The following BRD8 variants were observed in gnomAD, a reference collection of about 807,000 sequenced individuals.
The protein encoded by BRD8 is bromodomain containing 8.
In BRD8, 67 loss-of-function variants were observed where a neutral mutation model predicts 143.1. The ratio of observed to expected loss-of-function variants is 0.47; its 90% confidence interval spans 0.38 to 0.57. The LOEUF is 0.57. Among genes scored for constraint, BRD8 ranks in the 20% least tolerant of loss-of-function variants. BRD8 has a pLI of 0.00. For synonymous variants in BRD8, 505 were observed against 517.1 expected (o/e 0.98, Z 0.32); for missense variants, 1,103 against 1,503.0 (o/e 0.73, Z 4.40).
At chr5:138,172,716 G>C (rs370810752) in intron 2 of BRD8, 3 of 399,154 alleles carry the variant, frequency 7.5e-6, no homozygotes, top group Non-Finnish European at 1.4e-5. Flanking sequence ...ATGGTGGTGC[G>C]TACCTGCGGC....
intron 26 of BRD8, 55 bp from the exon 27 acceptor site, chr5:138,140,221 T>C: frequency 3.0e-6 from 4 of 1,321,844 alleles, no homozygotes; most frequent in Non-Finnish European, 4.3e-6. Context: ...CACTAAAGTA[T>C]TGCAAGTTTA....
At position 138,158,926 on chromosome 5, in the gene BRD8, G is replaced by A. The variant is rs575994191; in HGVS notation, c.2577+629C>T. Among the ~76,000 whole-genome samples, 44 of 151,944 alleles carry A rather than the reference G, an allele frequency of 2.9e-4. No homozygotes were observed. In the South Asian group the frequency reaches 8.7e-3, roughly 30 times the overall value. On this transcript the variant is annotated intron_variant, in intron 20 of 26. Coordinates refer to ENST00000254900, the MANE Select transcript of BRD8 (RefSeq NM_139199.2). ...GACCACAGGTGCGCACCACTCCGCT[G>A]CACAGCTAGTAGGGTTTTTTGTTGT...
At chr5:138,146,034 T>A (rs761758531) in intron 23 of BRD8, among the ~76,000 whole-genome samples, 156 bp from the exon 24 acceptor site, 2 of 152,178 alleles carry the variant, frequency 1.3e-5, no homozygotes, top group Non-Finnish European at 2.9e-5. Context: ...TAGTTATTAA[T>A]ATCTATTGTT....
At chr5:138,149,374 C>T (rs1317656367) in intron 23 of BRD8, among the ~76,000 whole-genome samples, 2 of 152,092 alleles carry the variant, frequency 1.3e-5, no homozygotes, top group African/African-American at 4.8e-5. Flanking sequence ...CTGCCTTGGC[C>T]TCCCAAAGTG....
At chr5:138,146,040 T>C (rs1752135755) in intron 23 of BRD8, among the ~76,000 whole-genome samples, 162 bp from the exon 24 acceptor site, 1 of 152,178 alleles carries the variant, frequency 6.6e-6, no homozygotes, top group African/African-American at 2.4e-5. Flanking sequence ...TTAATATCTA[T>C]TGTTTTCTCT....
chr5:138,140,190 C>A, intron 26 of BRD8, 24 bp from the exon 27 acceptor site: 4 of 1,537,048 alleles, frequency 2.6e-6, no homozygotes, highest in South Asian at 1.1e-5. Context: ...GAACACATAG[C>A]AAGCTATTAT....
intron 22 of BRD8, among the ~76,000 whole-genome samples, chr5:138,150,052 T>C (rs755684759): frequency 8.5e-5 from 13 of 152,152 alleles, no homozygotes; most frequent in Non-Finnish European, 1.8e-4. Flanking sequence ...CCAATTCTCA[T>C]TGGATTCTTT....
At chr5:138,172,179 T>C (rs1452492383) in intron 2 of BRD8, 45 bp from the exon 3 acceptor site, 8 of 1,473,172 alleles carry the variant, frequency 5.4e-6, no homozygotes, top group Non-Finnish European at 7.6e-6. Context: ...CAGAAAACAA[T>C]AGGAGAGGTA....
rs764006950 is a variant in BRD8, at chr5:138,162,028, CCTA to C, written c.2180+23_2180+25del. The C allele has an allele frequency of 4.6e-4, 733 of 1,600,962 alleles. 2 individuals carry two copies. Among genetic ancestry groups the C allele is most frequent in the Middle Eastern group, 5.0e-4 (3 of 5,996 alleles). ...ACAATGAAGAGTAGGAGAAAATGAA[CCTA>C]CTGACTGGTAAAGCCCACTCACCTA... On this transcript the variant is annotated intron_variant, in intron 16 of 26. Transcript: ENST00000254900.
At chr5:138,161,940 A>G (rs1753031395) in intron 16 of BRD8, 76 bp from the exon 17 acceptor site, 1 of 1,573,840 alleles carries the variant, frequency 6.4e-7, no homozygotes, top group South Asian at 1.1e-5. Context: ...AAGTAACTAA[A>G]GGTAGTAAGA....
intron 7 of BRD8, among the ~76,000 whole-genome samples, chr5:138,169,574 A>G (rs956778124): frequency 2.0e-5 from 3 of 152,226 alleles, no homozygotes; most frequent in Admixed American, 6.5e-5. Context: ...AACTCCTTTA[A>G]CAATCTCAAA....
chr5:138,178,267 G>A (rs913785520), intron 1 of BRD8, among the ~76,000 whole-genome samples: 1 of 152,196 alleles, frequency 6.6e-6, no homozygotes, highest in Non-Finnish European at 1.5e-5. Context: ...GGCTCTTTGA[G>A]GTGCCGGTTA....
chr5:138,145,326 G>T, intron 24 of BRD8, 81 bp from the exon 25 acceptor site: 2 of 1,279,184 alleles, frequency 1.6e-6, no homozygotes, highest in South Asian at 1.3e-5. Flanking sequence ...GTTCTTAGTA[G>T]ACTTCCTTTA....
intron 12 of BRD8, 118 bp from the exon 13 acceptor site, chr5:138,164,531 G>A: frequency 3.4e-6 from 4 of 1,184,440 alleles, no homozygotes; most frequent in Non-Finnish European, 4.9e-6. Flanking sequence ...CTCATGTAAT[G>A]TGACTCCAAT....
At chr5:138,148,738 A>G (rs1464631103) in intron 23 of BRD8, among the ~76,000 whole-genome samples, 1 of 151,936 alleles carries the variant, frequency 6.6e-6, no homozygotes, top group Non-Finnish European at 1.5e-5. Context: ...TTCCATTTCA[A>G]GTTCATAAAA....
chr5:138,146,884 G>A (rs1214180834), intron 23 of BRD8, among the ~76,000 whole-genome samples: 1 of 150,394 alleles, frequency 6.6e-6, no homozygotes, highest in Non-Finnish European at 1.5e-5. Flanking sequence ...GCAGGAGAAT[G>A]GTGTGAACCT....
chr5:138,165,590 G>C (rs1208345567), intron 11 of BRD8, among the ~76,000 whole-genome samples: 1 of 152,094 alleles, frequency 6.6e-6, no homozygotes, highest in African/African-American at 2.4e-5. Context: ...GTGAGGCGTG[G>C]TGGCATGTGC....
intron 22 of BRD8, 94 bp from the exon 23 acceptor site, chr5:138,149,891 G>A: frequency 8.4e-7 from 1 of 1,187,018 alleles, no homozygotes; most frequent in East Asian, 2.5e-5. Flanking sequence ...TGCCCTTAAG[G>A]TGAGAAGAGG....
intron 8 of BRD8, chr5:138,168,353 T>C: frequency 3.8e-6 from 3 of 781,738 alleles, no homozygotes; most frequent in Non-Finnish European, 4.4e-6. Context: ...AACATTTAAT[T>C]AGGAGATCTT....
Sources: allele counts gnomAD v4.1 joint callset (sites outside exome capture counted in the v4.1 genomes callset), GRCh38; gene constraint gnomAD v4.1.1; transcripts MANE v1.5; gene names NCBI Gene and HGNC (gene_info 2026-07-23, HGNC 2026-07-21).